PRND: variants seen among roughly 807,000 people sequenced by gnomAD.
The protein encoded by PRND is prion like protein doppel, also known as prion-like protein doppel.
For missense variants in PRND, 227 were observed against 223.3 expected (o/e 1.02, Z -0.11); for synonymous variants, 94 against 93.2 (o/e 1.01, Z -0.05).
Position 4,727,929 on chromosome 20 carries a change from G to A in PRND, c.*2847G>A, listed in dbSNP as rs545805995. 1.2e-5 allele frequency: 2 copies of A among 160,296 alleles called. No homozygotes were observed. Among genetic ancestry groups the A allele is most frequent in the African/African-American group, 2.4e-5 (1 of 41,292 alleles). The allele number at this position is 160,296 out of a possible 1,614,324, so 9.9% of individuals were successfully genotyped here. ...TCCTCCCAAGTAGGTGGGATTACAG[G>A]TGCCCACCACCAAGCCCTGCAAATT... On this transcript the variant is annotated 3_prime_UTR_variant, in exon 2 of 2. Coordinates refer to ENST00000305817, the MANE Select transcript of PRND (RefSeq NM_012409.4).
rs149399892 is a variant in PRND, at chr20:4,728,072, G to A, written c.*2990G>A. 1.1e-4 allele frequency: 18 copies of A among 166,938 alleles called. No individual in the cohort carries two copies. Among genetic ancestry groups the A allele is most frequent in the Non-Finnish European group, 1.9e-4 (13 of 68,156 alleles). 10.3% of individuals were successfully genotyped at this position (166,938 alleles called of 1,614,324 possible). A position where few individuals can be genotyped will look rare whatever the true frequency, so the allele number is the denominator to read the frequency against. ...CAAAGTGCTGGGATTACAGGTGTGA[G>A]CCACCACGCCCTGCCTACTCTTTGT... On this transcript the variant is annotated 3_prime_UTR_variant, in exon 2 of 2. Coordinates refer to ENST00000305817, the MANE Select transcript of PRND (RefSeq NM_012409.4).
rs561745171 is a variant in PRND at position 4,724,548 on chromosome 20, C to T, written c.-4C>T. On this transcript the variant is annotated 5_prime_UTR_variant, in exon 2 of 2. In the 5' UTR this introduces an upstream ATG that the reference lacks. Transcript: ENST00000305817. The surrounding 1 kb of genome is among the most constrained non-coding windows in gnomAD (Gnocchi z 4.8). ...CCGCCGTTTCTCTGGCAGGTTCTGA[C>T]GCGATGAGGAAGCACCTGAGCTGGT... The T allele has an allele frequency of 3.3e-5, 54 of 1,613,872 alleles. No individual in the cohort carries two copies. The highest frequency in any genetic ancestry group is 1.7e-4 in the Middle Eastern group (1 of 6,044).
In PRND at chr20:4,724,530, T is replaced by A; in HGVS notation, c.-11-11T>A. The A allele has an allele frequency of 3.1e-6, 5 of 1,611,858 alleles. No homozygotes were observed. The highest frequency in any genetic ancestry group is 4.2e-6 in the Non-Finnish European group (5 of 1,179,092). On this transcript the variant is annotated splice_polypyrimidine_tract_variant and intron_variant, in intron 1 of 1. Coordinates refer to ENST00000305817, the MANE Select transcript of PRND (RefSeq NM_012409.4). This position sits in a 1 kb window ranked among gnomAD's most constrained non-coding sequence, Gnocchi z 4.8. ...TGGTGGGGAGCTGACCCACCGCCGT[T>A]TCTCTGGCAGGTTCTGACGCGATGA... is the stretch of plus-strand genomic sequence containing the variant.
chr20:4,725,230 C>A lies in PRND; in HGVS notation c.*148C>A. 1.0e-6 allele frequency: 1 copy of A among 964,574 alleles called. No individual in the cohort carries two copies. Among genetic ancestry groups the A allele is most frequent in the Non-Finnish European group, 1.6e-6 (1 of 641,018 alleles). The allele number at this position is 964,574 out of a possible 1,614,324, so 59.8% of individuals were successfully genotyped here. ...TGCAAATGCCGCTCTCACGTATGCG[C>A]CCTGGTATGTGCCTGCGTTCTGATA... is the stretch of plus-strand genomic sequence containing the variant. On this transcript the variant is annotated 3_prime_UTR_variant, in exon 2 of 2. Coordinates refer to ENST00000305817, the MANE Select transcript of PRND (RefSeq NM_012409.4).
In PRND at chr20:4,725,862, C is replaced by CTTT. The variant is rs56112733; in HGVS notation, c.*794_*796dup. On this transcript the variant is annotated 3_prime_UTR_variant, in exon 2 of 2. Transcript: ENST00000305817. ...CCTGTGGCATGAAGATTTTCTTTCT[C>CTTT]TTTTTTTTTTTTTTTTAGATGGAGT... 3,549 of 152,120 alleles carry CTTT rather than the reference C, an allele frequency of 0.023. 101 individuals are homozygous for CTTT. Among genetic ancestry groups the CTTT allele is most frequent in the East Asian group, 0.15 (707 of 4,836 alleles). 9.4% of individuals were successfully genotyped at this position (152,120 alleles called of 1,614,324 possible).
intron 1 of PRND, among the ~76,000 whole-genome samples, chr20:4,723,627 G>C (rs1311515557): frequency 6.6e-6 from 1 of 152,182 alleles, no homozygotes; most frequent in Non-Finnish European, 1.5e-5. Context: ...CCAGCTCAGA[G>C]CAATAAAGAA....
In PRND at chr20:4,726,391, A is replaced by C. The variant is rs889544931; in HGVS notation, c.*1309A>C. 1 of 166,974 alleles carries C rather than the reference A, an allele frequency of 6.0e-6. No homozygotes were observed. The highest frequency in any genetic ancestry group is 2.1e-4 in the South Asian group (1 of 4,826). The allele number at this position is 166,974 out of a possible 1,614,324, so 10.3% of individuals were successfully genotyped here. On this transcript the variant is annotated 3_prime_UTR_variant, in exon 2 of 2. Transcript: ENST00000305817. ...CCATCATCTCTGTAAACCACTTGTC[A>C]CTACAAAAATACAATTACTCACCAA...
In PRND at chr20:4,724,935, C is replaced by T; in HGVS notation, c.384C>T (p.His128=). The change falls in exon 2 of 2, where the codon CAC becomes CAT. Residue 128 remains histidine, a synonymous_variant. Transcript: ENST00000305817. The surrounding 1 kb of genome is among the most constrained non-coding windows in gnomAD (Gnocchi z 4.8). The stretch of plus-strand genomic sequence containing the variant: ...TCCAGAAGCCAGACAACAAGCTCCA[C>T]CAGCAGGTGCTCTGGCGGCTGGTCC... ...GEFQKPDNKL[H]QQVLWRLVQE... 6.2e-7 allele frequency: 1 copy of T among 1,614,166 alleles called. No individual in the cohort carries two copies. Among genetic ancestry groups the T allele is most frequent in the Non-Finnish European group, 8.5e-7 (1 of 1,180,044 alleles).
rs1377727579 is a variant in PRND at position 4,724,310 on chromosome 20, T to C, written c.-11-231T>C. Reference sequence around the variant, plus strand: ...TTGCCCTTTGCCATTCTTACCTGTCTCGGAAACCGGGACCAGAGCCCTGAG... The same window carrying C: ...TTGCCCTTTGCCATTCTTACCTGTCCCGGAAACCGGGACCAGAGCCCTGAG... On this transcript the variant is annotated intron_variant, in intron 1 of 1. Coordinates refer to ENST00000305817, the MANE Select transcript of PRND (RefSeq NM_012409.4). The surrounding 1 kb of genome is among the most constrained non-coding windows in gnomAD (Gnocchi z 4.8). Among the ~76,000 whole-genome samples, 5 of 152,142 alleles carry C rather than the reference T, an allele frequency of 3.3e-5. No homozygotes were observed. Among genetic ancestry groups the C allele is most frequent in the African/African-American group, 7.2e-5 (3 of 41,422 alleles).
chr20:4,727,219 AT>A lies in PRND; in HGVS notation c.*2141del, dbSNP rs1186798473. On this transcript the variant is annotated 3_prime_UTR_variant, in exon 2 of 2. Coordinates refer to ENST00000305817, the MANE Select transcript of PRND (RefSeq NM_012409.4). ...AAACGCTTAGGCCATGATGTCGTTC[AT>A]TTTCTGTAATTGCTGCCTTTTCTCA... The A allele has an allele frequency of 6.0e-6, 1 of 166,956 alleles. No individual in the cohort carries two copies. Among genetic ancestry groups the A allele is most frequent in the Non-Finnish European group, 1.5e-5 (1 of 68,120 alleles). 10.3% of individuals were successfully genotyped at this position (166,956 alleles called of 1,614,324 possible). A position where few individuals can be genotyped will look rare whatever the true frequency, so the allele number is the denominator to read the frequency against.
Position 4,727,073 on chromosome 20 carries a change from G to A in PRND, c.*1991G>A, listed in dbSNP as rs1251711008. 2 of 166,986 alleles carry A rather than the reference G, an allele frequency of 1.2e-5. No homozygotes were observed. The highest frequency in any genetic ancestry group is 3.8e-4 in the East Asian group (2 of 5,208). The allele number at this position is 166,986 out of a possible 1,614,324, so 10.3% of individuals were successfully genotyped here. ...ATTAAAAAAATAATAACCATGGCAA[G>A]AGAGAAAGAAAGAGAAAGTACTCAG... is the stretch of plus-strand genomic sequence containing the variant. On this transcript the variant is annotated 3_prime_UTR_variant, in exon 2 of 2. Transcript: ENST00000305817.
intron 1 of PRND, among the ~76,000 whole-genome samples, chr20:4,722,846 A>C (rs36125509): frequency 0.2 from 30,947 of 152,040 alleles, 3,528 homozygotes; most frequent in Non-Finnish European, 0.26. Flanking sequence ...GAATGCCCTG[A>C]CAGTCGGCCT....
In PRND at chr20:4,722,368, C is replaced by T. The variant is rs139940362; in HGVS notation, c.-12+399C>T. On this transcript the variant is annotated intron_variant, in intron 1 of 1. Coordinates refer to ENST00000305817, the MANE Select transcript of PRND (RefSeq NM_012409.4). ...TATTTAGGAGACTAATGAATATTTG[C>T]TTCATGCTTGGATCTCTTTGGAGAA... Among the ~76,000 whole-genome samples, 110 of 151,952 alleles carry T rather than the reference C, an allele frequency of 7.2e-4. 2 individuals are homozygous for T. In the East Asian group the frequency reaches 0.012, roughly 17 times the overall value.
In PRND at chr20:4,724,850, C is replaced by A; in HGVS notation, c.299C>A (p.Thr100Asn). ...HYNGCSEANV[T>N]KEAFVTGCIN... ...AACGGCTGCTCTGAGGCTAATGTGACCAAGGAGGCATTTGTCACCGGCTGC... is the reference window on the plus strand; with the variant it reads ...AACGGCTGCTCTGAGGCTAATGTGAACAAGGAGGCATTTGTCACCGGCTGC... Residue 100 changes from threonine (T) to asparagine (N), a missense_variant, in exon 2 of 2, where the codon ACC (threonine) becomes AAC (asparagine). Transcript: ENST00000305817. The surrounding 1 kb of genome is among the most constrained non-coding windows in gnomAD (Gnocchi z 4.8). 6.2e-7 allele frequency: 1 copy of A among 1,614,204 alleles called. No individual in the cohort carries two copies. Among genetic ancestry groups the A allele is most frequent in the Non-Finnish European group, 8.5e-7 (1 of 1,180,044 alleles).
Position 4,726,320 on chromosome 20 carries a change from G to A in PRND, c.*1238G>A, listed in dbSNP as rs1923266930. The A allele has an allele frequency of 6.0e-6, 1 of 166,702 alleles. No individual in the cohort carries two copies. The highest frequency in any genetic ancestry group is 6.6e-5 in the Admixed American group (1 of 15,254). The allele number at this position is 166,702 out of a possible 1,614,324, so 10.3% of individuals were successfully genotyped here. On this transcript the variant is annotated 3_prime_UTR_variant, in exon 2 of 2. Transcript: ENST00000305817. ...TTAAATATAATCCCTTTACATCTGT[G>A]TTCTATGCAAAGTCTCTCATTTCTT...
rs772148636 is a variant in PRND at position 4,724,581 on chromosome 20, G to A, written c.30G>A (p.Leu10=). Residue 10 remains leucine, a synonymous_variant, in exon 2 of 2, where the codon CTG becomes CTA. Coordinates refer to ENST00000305817, the MANE Select transcript of PRND (RefSeq NM_012409.4). The surrounding 1 kb of genome is among the most constrained non-coding windows in gnomAD (Gnocchi z 4.8). ...GGAAGCACCTGAGCTGGTGGTGGCT[G>A]GCCACTGTCTGCATGCTGCTCTTCA... MRKHLSWWW[L]ATVCMLLFSH... 2 of 1,614,070 alleles carry A rather than the reference G, an allele frequency of 1.2e-6. No individual in the cohort carries two copies. Among genetic ancestry groups the A allele is most frequent in the Non-Finnish European group, 1.7e-6 (2 of 1,180,034 alleles).
chr20:4,725,979 G>T lies in PRND; in HGVS notation c.*897G>T. On this transcript the variant is annotated 3_prime_UTR_variant, in exon 2 of 2. Coordinates refer to ENST00000305817, the MANE Select transcript of PRND (RefSeq NM_012409.4). ...AGGCTCAAGCACTTTTCCTGTCTCA[G>T]CCTTCCGAGTAGCTGGGATTACAGG... 1 of 154,628 alleles carries T rather than the reference G, an allele frequency of 6.5e-6. No individual in the cohort carries two copies. The allele number at this position is 154,628 out of a possible 1,614,324, so 9.6% of individuals were successfully genotyped here. A position where few individuals can be genotyped will look rare whatever the true frequency, so the allele number is the denominator to read the frequency against.
chr20:4,724,827 C>A lies in PRND; in HGVS notation c.276C>A (p.Asn92Lys), dbSNP rs370883023. 4 of 1,614,230 alleles carry A rather than the reference C, an allele frequency of 2.5e-6. No individual in the cohort carries two copies. In the Admixed American group the frequency reaches 6.7e-5, roughly 27 times the overall value. The change falls in exon 2 of 2, where the codon AAC becomes AAA. Residue 92 changes from asparagine to lysine, a missense_variant. Asn to Lys is a moderately conservative substitution (Grantham distance 94). Coordinates refer to ENST00000305817, the MANE Select transcript of PRND (RefSeq NM_012409.4). The surrounding 1 kb of genome is among the most constrained non-coding windows in gnomAD (Gnocchi z 4.8). ...YWQFPDGIHY[N>K]GCSEANVTKE... ...AGTTCCCCGATGGCATCCACTACAA[C>A]GGCTGCTCTGAGGCTAATGTGACCA...
chr20:4,723,391 A>G (rs575837007), intron 1 of PRND, among the ~76,000 whole-genome samples: 1 of 152,342 alleles, frequency 6.6e-6, no homozygotes, highest in South Asian at 2.1e-4. Flanking sequence ...ATGCAATAAA[A>G]AGCCAGTAGG....
Sources: allele counts gnomAD v4.1 joint callset (sites outside exome capture counted in the v4.1 genomes callset), GRCh38; gene constraint gnomAD v4.1.1; non-coding constraint Gnocchi (gnomAD v3.1); transcripts MANE v1.5; gene names NCBI Gene and HGNC (gene_info 2026-07-23, HGNC 2026-07-21).